RGS6: variants seen among roughly 807,000 people sequenced by gnomAD.
The protein encoded by RGS6 is regulator of G protein signaling 6.
A neutral mutation model predicts 78.5 loss-of-function variants in RGS6; 30 were observed. The observed-to-expected ratio is 0.38, with a 90% CI of 0.29 to 0.52. The LOEUF (loss-of-function observed/expected upper bound fraction) is 0.52, where lower values mean the gene tolerates loss of function less well. Among genes scored for constraint, RGS6 ranks in the 20% least tolerant of loss-of-function variants. RGS6 has a pLI of 0.85. For synonymous variants in RGS6, 206 were observed against 206.0 expected (o/e 1.00, Z 0.00); for missense variants, 495 against 609.7 (o/e 0.81, Z 1.98).
chr14:72,341,856 G>A (rs118095437), intron 2 of RGS6, among the ~76,000 whole-genome samples: 1 of 152,170 alleles, frequency 6.6e-6, no homozygotes, highest in African/African-American at 2.4e-5. Flanking sequence ...GAAAGGATGA[G>A]TGATCCTAGA....
chr14:72,513,112 A>G (rs1263743458), intron 14 of RGS6, among the ~76,000 whole-genome samples: 7 of 152,284 alleles, frequency 4.6e-5, no homozygotes, highest in Non-Finnish European at 7.4e-5. Context: ...CACCTGGGTA[A>G]ATTACAAAGT....
chr14:72,361,216 C>T (rs935108709), intron 3 of RGS6, among the ~76,000 whole-genome samples: 3 of 151,602 alleles, frequency 2.0e-5, no homozygotes, highest in South Asian at 2.1e-4. Context: ...ATTTTTTTCC[C>T]CATCCACATT....
intron 2 of RGS6, among the ~76,000 whole-genome samples, chr14:72,243,856 C>A (rs2053545375): frequency 6.6e-6 from 1 of 151,846 alleles, no homozygotes; most frequent in Non-Finnish European, 1.5e-5. Context: ...TATGAGGAAG[C>A]TATAAAGGGA....
At chr14:72,392,045 C>A (rs1195095697) in intron 3 of RGS6, among the ~76,000 whole-genome samples, 2 of 152,048 alleles carry the variant, frequency 1.3e-5, no homozygotes, top group African/African-American at 4.8e-5. Context: ...CTTTTTGAGA[C>A]AGGGTCTCTG....
At position 72,538,585 on chromosome 14, in the gene RGS6, G is replaced by A. The variant is rs979024861; in HGVS notation, c.1369-1456G>A. ...AGCCAGAGGATAAGAATAACAGGCC[G>A]ACAATGCCAGCTGCAGGGCCCAGGA... On this transcript the variant is annotated intron_variant, in intron 16 of 17. Coordinates refer to ENST00000553525, the MANE Select transcript of RGS6 (RefSeq NM_001204424.2). Among the ~76,000 whole-genome samples, 57 of 152,330 alleles carry A rather than the reference G, an allele frequency of 3.7e-4. 1 individual carries two copies. The highest frequency in any genetic ancestry group is 3.9e-4 in the Admixed American group (6 of 15,306).
intron 2 of RGS6, among the ~76,000 whole-genome samples, chr14:72,334,965 C>G (rs1035227353): frequency 2.0e-5 from 3 of 152,134 alleles, no homozygotes; most frequent in African/African-American, 7.2e-5. Context: ...AATTGTACCT[C>G]CTATAATTCC....
intron 12 of RGS6, among the ~76,000 whole-genome samples, chr14:72,482,481 C>G (rs1328233803): frequency 2.0e-5 from 3 of 152,172 alleles, no homozygotes; most frequent in Non-Finnish European, 4.4e-5. Flanking sequence ...AAAAAATAGG[C>G]TTTTACTATT....
the RGS6 span, among the ~76,000 whole-genome samples, chr14:71,872,808 A>T: frequency 6.6e-6 from 1 of 152,076 alleles, no homozygotes; most frequent in African/African-American, 2.4e-5. Context: ...CCATCCCACG[A>T]CAGGCCCCGT....
intron 15 of RGS6, among the ~76,000 whole-genome samples, chr14:72,531,966 C>T (rs1362323627): frequency 6.6e-6 from 1 of 152,226 alleles, no homozygotes; most frequent in Non-Finnish European, 1.5e-5. Flanking sequence ...TCTCACTCCC[C>T]ACAGCCCCTG....
chr14:71,879,024 T>C, the RGS6 span, among the ~76,000 whole-genome samples: 2 of 152,100 alleles, frequency 1.3e-5, no homozygotes. Context: ...CACTTCATAG[T>C]GTATTTTTTT....
At chr14:71,905,706 T>C in the RGS6 span, among the ~76,000 whole-genome samples, 1 of 152,160 alleles carries the variant, frequency 6.6e-6, no homozygotes. Flanking sequence ...CCCAGGCTGG[T>C]CTCGAACTCC....
At chr14:71,908,739 G>T in the RGS6 span, among the ~76,000 whole-genome samples, 11 of 152,140 alleles carry the variant, frequency 7.2e-5, no homozygotes, top group Non-Finnish European at 1.6e-4. Flanking sequence ...GGCAGCATAG[G>T]AGGGAATGCC....
At chr14:72,547,877 C>T (rs759002034) in intron 17 of RGS6, among the ~76,000 whole-genome samples, 8 of 152,168 alleles carry the variant, frequency 5.3e-5, no homozygotes, top group Non-Finnish European at 1.0e-4. Context: ...CCACACCCCC[C>T]GTGGCGGTCT....
chr14:72,319,048 C>T (rs1207790233), intron 2 of RGS6, among the ~76,000 whole-genome samples: 2 of 152,132 alleles, frequency 1.3e-5, no homozygotes, highest in South Asian at 2.1e-4. Context: ...GAAGTTTCCA[C>T]ATTCAGAGGA....
intron 12 of RGS6, among the ~76,000 whole-genome samples, chr14:72,494,111 A>C (rs1285291540): frequency 6.6e-6 from 1 of 152,264 alleles, no homozygotes; most frequent in Non-Finnish European, 1.5e-5. Context: ...CTGGGAAACA[A>C]GAGGACAGAA....
intron 2 of RGS6, among the ~76,000 whole-genome samples, chr14:72,331,500 C>T (rs1442868542): frequency 6.6e-6 from 1 of 152,138 alleles, no homozygotes. Context: ...GAGTGCAGCG[C>T]AGAAAGCCAC....
rs2153223238 is a variant in RGS6, at chr14:72,447,211, C to G, written c.185-7317C>G. 4.6e-5 allele frequency among the ~76,000 whole-genome samples: 7 copies of G among 152,258 alleles called. 1 individual carries two copies. The Middle Eastern group carries it at 0.02, about 444-fold the overall frequency. ...ATGGATGCAACCAGAGCACCCCAAA[C>G]CAGAAAGATGTTTACTCCATTACCT... On this transcript the variant is annotated intron_variant, in intron 3 of 17. Coordinates refer to ENST00000553525, the MANE Select transcript of RGS6 (RefSeq NM_001204424.2).
the RGS6 span, among the ~76,000 whole-genome samples, chr14:71,909,551 G>GGA: frequency 1.6e-5 from 2 of 121,462 alleles, no homozygotes; most frequent in Middle Eastern, 4.0e-3. Context: ...AGACAGAGAG[G>GGA]GAGAGAGAGA....
intron 2 of RGS6, among the ~76,000 whole-genome samples, chr14:72,132,930 G>A (rs1284142198): frequency 6.6e-6 from 1 of 152,036 alleles, no homozygotes; most frequent in Non-Finnish European, 1.5e-5. Flanking sequence ...TTTGGCATCA[G>A]ACTAAAGGAA....
Sources: gnomAD v4.1 joint callset for allele counts (sites outside exome capture counted in the v4.1 genomes callset) on GRCh38, gnomAD v4.1.1 for gene constraint, MANE v1.5 for transcripts, NCBI Gene and HGNC (gene_info 2026-07-23, HGNC 2026-07-21) for gene names.